The following CROT variants were observed in gnomAD, a reference collection of about 807,000 sequenced individuals.
The protein encoded by CROT is carnitine O-octanoyltransferase.
In CROT, 84 loss-of-function variants were observed where a neutral mutation model predicts 89.2. The ratio of observed to expected loss-of-function variants is 0.94; its 90% CI spans 0.79 to 1.13. The LOEUF (loss-of-function observed/expected upper bound fraction) is 1.13, where lower values mean the gene tolerates loss of function less well. Among genes scored for constraint, CROT ranks in the 50% most tolerant of loss-of-function variants. The probability of loss-of-function intolerance (pLI) is 0.00; values close to 1 mark genes in which losing one functional copy is unlikely to be tolerated. For synonymous variants in CROT, 212 were observed against 239.5 expected, an observed-to-expected ratio of 0.89 and a Z score of 1.06; for missense variants, 711 against 727.8, an observed-to-expected ratio of 0.98 and a Z score of 0.27.
At chr7:87,390,156 T>C (rs2116151235) in intron 13 of CROT, among the ~76,000 whole-genome samples, 1 of 152,334 alleles carries the variant, frequency 6.6e-6, no homozygotes, top group East Asian at 1.9e-4. Context: ...TAGTTAGAGC[T>C]AGAGGATTGA....
At chr7:87,374,132 T>G (rs1375495249) in intron 7 of CROT, among the ~76,000 whole-genome samples, 2 of 152,080 alleles carry the variant, frequency 1.3e-5, no homozygotes, top group Non-Finnish European at 2.9e-5. Flanking sequence ...GATTCTGTAA[T>G]GCAGATATTT....
intron 13 of CROT, among the ~76,000 whole-genome samples, chr7:87,384,324 G>A (rs1176176185): frequency 2.0e-5 from 3 of 152,136 alleles, no homozygotes; most frequent in Non-Finnish European, 4.4e-5. Context: ...CTGAGGTCAG[G>A]AGTTTGAGAC....
chr7:87,353,951 C>T (rs543024622), intron 3 of CROT, among the ~76,000 whole-genome samples: 1 of 152,226 alleles, frequency 6.6e-6, no homozygotes, highest in South Asian at 2.1e-4. Context: ...CATGGTGTGA[C>T]TAAAAGCTGT....
At chr7:87,378,819 A>G (rs1218183014) in intron 10 of CROT, among the ~76,000 whole-genome samples, 1 of 152,170 alleles carries the variant, frequency 6.6e-6, no homozygotes, top group East Asian at 1.9e-4. Flanking sequence ...AAACCACTAC[A>G]AAGTGGTGCT....
chr7:87,392,872 T>G, intron 16 of CROT, 49 bp downstream of exon 16: 1 of 1,609,874 alleles, frequency 6.2e-7, no homozygotes, highest in Non-Finnish European at 8.5e-7. Context: ...TTCCTCTTTT[T>G]GTATATTAAA....
chr7:87,367,122 A>G (rs535740811), intron 6 of CROT, among the ~76,000 whole-genome samples: 1 of 152,322 alleles, frequency 6.6e-6, no homozygotes, highest in Non-Finnish European at 1.5e-5. Flanking sequence ...TACATGGTAA[A>G]GAGGAATTAA....
At chr7:87,375,989 G>C in intron 9 of CROT, 36 bp downstream of exon 9, 1 of 1,511,544 alleles carries the variant, frequency 6.6e-7, no homozygotes, top group Non-Finnish European at 8.8e-7. Context: ...TTTTATTGCA[G>C]ATTTTTCTGG....
At position 87,351,940 on chromosome 7, in the gene CROT, A is replaced by G. The variant is rs113653355; in HGVS notation, c.115+2757A>G. On this transcript the variant is annotated intron_variant, in intron 3 of 17. Transcript: ENST00000331536. ...TGTAACATATGACTGTTTACCCTGCAATAGAGACTTAACCCTTGCCTTACG... is the reference window on the plus strand; with the variant it reads ...TGTAACATATGACTGTTTACCCTGCGATAGAGACTTAACCCTTGCCTTACG... 7.4e-3 allele frequency among the ~76,000 whole-genome samples: 1,122 copies of G among 152,370 alleles called. 13 individuals carry two copies. Among genetic ancestry groups the G allele is most frequent in the African/African-American group, 0.025 (1,053 of 41,588 alleles).
intron 13 of CROT, among the ~76,000 whole-genome samples, chr7:87,389,600 C>T (rs1194316197): frequency 6.6e-6 from 1 of 151,098 alleles, no homozygotes; most frequent in Non-Finnish European, 1.5e-5. Context: ...AGGAAGGGAA[C>T]ATCACACACC....
chr7:87,382,094 T>C lies in CROT; in HGVS notation c.1083T>C (p.Asp361=), dbSNP rs1807028410. ...TTCAGGGTTCAGAGAAGGTACGAGA[T>C]ATACCACTTCCAGAAGAGCTCATTT... ...GRWKGSEKVR[D]IPLPEELIFI... is the part of the protein sequence containing the mutation. The change falls in exon 12 of 18, where the codon GAT becomes GAC. Residue 361 remains aspartate (D), a synonymous_variant. Coordinates refer to ENST00000331536, the MANE Select transcript of CROT (RefSeq NM_021151.4). The C allele has an allele frequency of 6.2e-7, 1 of 1,613,080 alleles. No individual in the cohort carries two copies. The highest frequency in any genetic ancestry group is 8.5e-7 in the Non-Finnish European group (1 of 1,179,230).
chr7:87,361,249 C>A, intron 4 of CROT, 141 bp from the exon 5 acceptor site: 1 of 818,574 alleles, frequency 1.2e-6, no homozygotes, highest in Non-Finnish European at 1.9e-6. Flanking sequence ...AGGTGTGAGT[C>A]ACCTCACCCA....
intron 13 of CROT, 74 bp from the exon 14 acceptor site, chr7:87,391,515 T>C (rs965809805): frequency 4.2e-6 from 6 of 1,414,810 alleles, no homozygotes; most frequent in African/African-American, 1.5e-5. Flanking sequence ...GCTAGCTTTA[T>C]TAGGCAACTA....
chr7:87,380,299 T>C (rs553999389), intron 10 of CROT, among the ~76,000 whole-genome samples: 4 of 152,410 alleles, frequency 2.6e-5, no homozygotes, highest in African/African-American at 9.6e-5. Context: ...TTGTAGGCTT[T>C]ATTGTAAGGC....
intron 13 of CROT, 37 bp from the exon 14 acceptor site, chr7:87,391,548 TTTTC>T: frequency 6.4e-7 from 1 of 1,567,326 alleles, no homozygotes; most frequent in Non-Finnish European, 8.6e-7. Flanking sequence ...TATTAGAGCA[TTTTC>T]TTTCTTATGA....
At chr7:87,363,489 T>G (rs76384552) in intron 6 of CROT, among the ~76,000 whole-genome samples, 2,113 of 152,246 alleles carry the variant, frequency 0.014, 49 homozygotes, top group African/African-American at 0.048. Context: ...ACTTTTTGTG[T>G]GTGTTGAGGG....
chr7:87,373,815 C>G (rs759576932), intron 7 of CROT, among the ~76,000 whole-genome samples: 3 of 151,996 alleles, frequency 2.0e-5, no homozygotes, highest in Admixed American at 2.0e-4. Context: ...AAGACACATT[C>G]AGCAGTGTAA....
chr7:87,375,637 T>C lies in CROT; in HGVS notation c.662T>C (p.Leu221Pro). 6.2e-7 allele frequency: 1 copy of C among 1,611,636 alleles called. No individual in the cohort carries two copies. The highest frequency in any genetic ancestry group is 8.5e-7 in the Non-Finnish European group (1 of 1,178,056). Reference sequence around the variant, plus strand: ...TTCTTTTCATCTTCCATAAGACAACTGACATATATCCACAAGAAGTGCCAT... The same window carrying C: ...TTCTTTTCATCTTCCATAAGACAACCGACATATATCCACAAGAAGTGCCAT... ...LVTPPELLRQLTYIHKKCHSE... is the reference protein window; with the variant it reads ...LVTPPELLRQPTYIHKKCHSE... Residue 221 changes from leucine (L) to proline (P), a missense_variant, in exon 8 of 18, where the codon CTG becomes CCG. Physicochemically the swap from Leu to Pro is moderately conservative, Grantham distance 98. Coordinates refer to ENST00000331536, the MANE Select transcript of CROT (RefSeq NM_021151.4).
chr7:87,380,675 C>A (rs1483529799), intron 10 of CROT, among the ~76,000 whole-genome samples: 3 of 152,204 alleles, frequency 2.0e-5, no homozygotes, highest in African/African-American at 7.2e-5. Context: ...TTTCTACCTT[C>A]TTTGAGATTA....
chr7:87,377,174 C>T (rs1007909708), intron 9 of CROT, among the ~76,000 whole-genome samples, 175 bp from the exon 10 acceptor site: 16 of 152,072 alleles, frequency 1.1e-4, no homozygotes, highest in Non-Finnish European at 2.4e-4. Flanking sequence ...GCCAGAATTA[C>T]TCTCTCTTGA....
Sources: allele counts gnomAD v4.1 joint callset (sites outside exome capture counted in the v4.1 genomes callset), GRCh38; gene constraint gnomAD v4.1.1; transcripts MANE v1.5; gene names NCBI Gene and HGNC (gene_info 2026-07-23, HGNC 2026-07-21).